MAF: variants seen among roughly 807,000 people sequenced by gnomAD.
The protein encoded by MAF is transcription factor Maf.
MAF carries 10 observed loss-of-function variants against 22.0 expected under a neutral mutation model. The observed-to-expected ratio is 0.45, with a 90% confidence interval of 0.28 to 0.77. The LOEUF (loss-of-function observed/expected upper bound fraction) is 0.77, where lower values mean the gene tolerates loss of function less well. MAF is among the 30% of genes least tolerant of loss of function. The probability of loss-of-function intolerance (pLI) is 0.12; values close to 1 mark genes in which losing one functional copy is unlikely to be tolerated. For synonymous variants in MAF, 337 were observed against 255.8 expected, an observed-to-expected ratio of 1.32 and a Z score of -3.03; for missense variants, 544 against 548.4, an observed-to-expected ratio of 0.99 and a Z score of 0.08.
At chr16:79,223,605 A>G in the MAF span, among the ~76,000 whole-genome samples, 3 of 152,174 alleles carry the variant, frequency 2.0e-5, no homozygotes, top group Non-Finnish European at 4.4e-5. Flanking sequence ...AACAAAATAC[A>G]CCACTAGCCA....
the MAF span, among the ~76,000 whole-genome samples, chr16:79,214,922 C>T: frequency 2.0e-5 from 3 of 151,546 alleles, no homozygotes; most frequent in African/African-American, 7.3e-5. Context: ...GTTGGCCAGG[C>T]TGGTCTCGAA....
chr16:79,358,810 G>C, the MAF span, among the ~76,000 whole-genome samples: 1 of 152,262 alleles, frequency 6.6e-6, no homozygotes, highest in East Asian at 1.9e-4. Context: ...TCAGATTCTT[G>C]CTCTGGAGCC....
At chr16:79,478,204 A>G in the MAF span, among the ~76,000 whole-genome samples, 1 of 152,250 alleles carries the variant, frequency 6.6e-6, no homozygotes, top group African/African-American at 2.4e-5. Flanking sequence ...GCTACAGGTT[A>G]CAATGGCCAA....
chr16:79,299,371 A>AG, the MAF span, among the ~76,000 whole-genome samples: 1 of 151,946 alleles, frequency 6.6e-6, no homozygotes, highest in African/African-American at 2.4e-5. Flanking sequence ...AAGAAAAAAA[A>AG]CAACCTTCCA....
At chr16:79,427,806 A>G in the MAF span, among the ~76,000 whole-genome samples, 2 of 152,114 alleles carry the variant, frequency 1.3e-5, no homozygotes, top group African/African-American at 4.8e-5. Flanking sequence ...CTGGCTTTCC[A>G]TTAGACCATG....
the MAF span, among the ~76,000 whole-genome samples, chr16:79,276,700 T>C: frequency 5.3e-5 from 8 of 152,162 alleles, no homozygotes; most frequent in Admixed American, 1.3e-4. Flanking sequence ...ATGGTGGTGA[T>C]GGTGATGACG....
chr16:79,512,318 C>A, the MAF span, among the ~76,000 whole-genome samples: 3 of 152,184 alleles, frequency 2.0e-5, no homozygotes, highest in African/African-American at 7.2e-5. Flanking sequence ...AGTATCCAGA[C>A]CATTTTCAAG....
the MAF span, among the ~76,000 whole-genome samples, chr16:79,298,090 A>G: frequency 1.3e-5 from 2 of 152,270 alleles, no homozygotes; most frequent in Non-Finnish European, 2.9e-5. Context: ...ACAGCAGAGT[A>G]TTATACCAAG....
the MAF span, among the ~76,000 whole-genome samples, chr16:79,504,640 GATAA>G: frequency 1.3e-5 from 2 of 151,998 alleles, no homozygotes; most frequent in Non-Finnish European, 1.5e-5. Context: ...TGAATGGATG[GATAA>G]ATAAATGAAT....
chr16:79,330,491 T>C, the MAF span, among the ~76,000 whole-genome samples: 3 of 152,194 alleles, frequency 2.0e-5, no homozygotes, highest in African/African-American at 7.2e-5. Flanking sequence ...GCTCTGGCCA[T>C]GATCATGGCT....
At chr16:79,482,052 C>T in the MAF span, among the ~76,000 whole-genome samples, 72 of 152,144 alleles carry the variant, frequency 4.7e-4, no homozygotes, top group African/African-American at 1.6e-3. Context: ...TGCAGGGGTT[C>T]GGGGGCAGGC....
At chr16:79,577,655 T>G in the MAF span, among the ~76,000 whole-genome samples, 2 of 152,210 alleles carry the variant, frequency 1.3e-5, no homozygotes, top group South Asian at 2.1e-4. Context: ...CATGCTGGAA[T>G]AGCCCTCAAG....
At chr16:79,565,507 G>A in the MAF span, among the ~76,000 whole-genome samples, 11 of 79,936 alleles carry the variant, frequency 1.4e-4, no homozygotes, top group East Asian at 1.6e-3. Context: ...CACGTGTTGT[G>A]GGGGGGGGGA....
chr16:79,401,135 C>T, the MAF span, among the ~76,000 whole-genome samples: 17 of 152,300 alleles, frequency 1.1e-4, no homozygotes, highest in African/African-American at 1.9e-4. Flanking sequence ...TGGGACAGGG[C>T]GTGGCGCTGG....
chr16:79,312,239 G>T, the MAF span, among the ~76,000 whole-genome samples: 64 of 152,226 alleles, frequency 4.2e-4, no homozygotes, highest in East Asian at 0.012. Context: ...AACTGTCCCT[G>T]TCTGCACAGA....
the MAF span, among the ~76,000 whole-genome samples, chr16:79,220,066 G>C: frequency 6.6e-6 from 1 of 152,006 alleles, no homozygotes; most frequent in South Asian, 2.1e-4. Context: ...GACCAGCCTA[G>C]CCAACATGGT....
At chr16:79,416,772 T>A in the MAF span, among the ~76,000 whole-genome samples, 1 of 152,212 alleles carries the variant, frequency 6.6e-6, no homozygotes, top group South Asian at 2.1e-4. Flanking sequence ...CTGAAGCAGC[T>A]TGCTACCCTC....
At chr16:79,503,230 A>G in the MAF span, among the ~76,000 whole-genome samples, 55 of 152,196 alleles carry the variant, frequency 3.6e-4, no homozygotes, top group African/African-American at 1.2e-3. Flanking sequence ...CCTTGTTTCT[A>G]TTTTATTCAC....
At chr16:79,365,569 A>G in the MAF span, among the ~76,000 whole-genome samples, 1 of 123,832 alleles carries the variant, frequency 8.1e-6, no homozygotes, top group East Asian at 2.7e-4. Flanking sequence ...TTGGCCTTGC[A>G]AGTTTGTGTT....
Sources: allele counts gnomAD v4.1 joint callset (sites outside exome capture counted in the v4.1 genomes callset), GRCh38; gene constraint gnomAD v4.1.1; transcripts MANE v1.5; gene names NCBI Gene and HGNC (gene_info 2026-07-23, HGNC 2026-07-21).